VPS45: variants seen among roughly 807,000 people sequenced by gnomAD.
VPS45 encodes the protein vacuolar protein sorting-associated protein 45.
Under a neutral mutation model 75.9 loss-of-function variants are expected in VPS45, and 35 were observed. That is an observed-to-expected ratio of 0.46 (90% CI 0.35 to 0.61). The LOEUF is 0.61. Among genes scored for constraint, VPS45 ranks in the 20% least tolerant of loss-of-function variants. The pLI, the probability that VPS45 is intolerant of heterozygous loss-of-function variation, is 0.00. For synonymous variants in VPS45, 220 were observed against 238.2 expected, an observed-to-expected ratio of 0.92 and a Z score of 0.70; for missense variants, 559 against 685.9, an observed-to-expected ratio of 0.81 and a Z score of 2.07.
intron 14 of VPS45, among the ~76,000 whole-genome samples, chr1:150,142,656 C>CTTG (rs782731151): frequency 2.6e-5 from 4 of 152,116 alleles, no homozygotes; most frequent in African/African-American, 4.8e-5. Context: ...ATCCAAATAA[C>CTTG]TTGTTGTTGT....
intron 14 of VPS45, among the ~76,000 whole-genome samples, chr1:150,144,483 T>TA (rs797023947): frequency 0.97 from 145,856 of 149,650 alleles, 71,142 homozygotes; most frequent in East Asian, 1. Flanking sequence ...AATTTAATTC[T>TA]AAAAAAAAAA....
Position 150,077,692 on chromosome 1 carries a change from A to G in VPS45, c.600A>G (p.Glu200=). Residue 200 remains glutamate, a synonymous_variant, in exon 7 of 15, where the codon GAA becomes GAG. Coordinates refer to ENST00000644510, the MANE Select transcript of VPS45 (RefSeq NM_007259.5). ...AGCAAGTGATAACTAAAGAATATGA[A>G]CTGTTTGAATTCCGTCGGACAGAGG... is the stretch of plus-strand genomic sequence containing the variant. ...CVKQVITKEY[E]LFEFRRTEVP... 1 of 1,613,914 alleles carries G rather than the reference A, an allele frequency of 6.2e-7. No individual in the cohort carries two copies. The highest frequency in any genetic ancestry group is 1.3e-5 in the African/African-American group (1 of 75,038).
intron 14 of VPS45, among the ~76,000 whole-genome samples, chr1:150,130,198 C>CACTTTTTTTTT (rs1553811982): frequency 1.2e-5 from 1 of 86,338 alleles, no homozygotes; most frequent in African/African-American, 5.0e-5. Flanking sequence ...CACACACACA[C>CACTTTTTTTTT]TTTTTTTTTT....
At chr1:150,086,323 C>T (rs1451978491) in intron 10 of VPS45, among the ~76,000 whole-genome samples, 6 of 152,102 alleles carry the variant, frequency 3.9e-5, no homozygotes, top group African/African-American at 7.2e-5. Context: ...ACATGTAAAA[C>T]ACTTATGGTA....
At position 150,067,798 on chromosome 1, in the gene VPS45, G is replaced by A; in HGVS notation, c.-60G>A. ...GCTGAGACCCGGCCAACAGACTGGGGGTTAATTTAGCCAGAAAAGGGGGCG... is the reference window on the plus strand; with the variant it reads ...GCTGAGACCCGGCCAACAGACTGGGAGTTAATTTAGCCAGAAAAGGGGGCG... On this transcript the variant is annotated 5_prime_UTR_variant, in exon 1 of 15. Transcript: ENST00000644510. 2 of 1,554,944 alleles carry A rather than the reference G, an allele frequency of 1.3e-6. No individual in the cohort carries two copies. The highest frequency in any genetic ancestry group is 1.8e-6 in the Non-Finnish European group (2 of 1,128,942).
intron 13 of VPS45, among the ~76,000 whole-genome samples, chr1:150,104,748 G>A (rs1187671198): frequency 1.3e-5 from 2 of 151,982 alleles, no homozygotes; most frequent in South Asian, 4.2e-4. Flanking sequence ...AAGCCACCAC[G>A]CTGGGCTAAT....
At chr1:150,085,124 A>G (rs1372157206) in intron 10 of VPS45, among the ~76,000 whole-genome samples, 1 of 152,106 alleles carries the variant, frequency 6.6e-6, no homozygotes, top group Non-Finnish European at 1.5e-5. Flanking sequence ...ATAGTATTTT[A>G]TAGTTGTTTT....
chr1:150,130,754 A>G (rs1553812196), intron 14 of VPS45, among the ~76,000 whole-genome samples: 1 of 152,222 alleles, frequency 6.6e-6, no homozygotes, highest in African/African-American at 2.4e-5. Context: ...TATAAACAGT[A>G]CTGTAATAAA....
rs782098665 is a variant in VPS45 at position 150,110,546 on chromosome 1, C to T, written c.1544C>T (p.Ala515Val). Reference protein sequence around the residue: ...FVIGGATYEEALTVYNLNRTT... With the variant: ...FVIGGATYEEVLTVYNLNRTT... ...ATTGGAGGAGCCACCTATGAAGAGG[C>T]TCTAACAGTTTATAACCTGAACCGC... is the stretch of plus-strand genomic sequence containing the variant. The change falls in exon 14 of 15, where the codon GCT (alanine) becomes GTT (valine). Residue 515 changes from alanine to valine, a missense_variant. Coordinates refer to ENST00000644510, the MANE Select transcript of VPS45 (RefSeq NM_007259.5). The T allele has an allele frequency of 1.2e-6, 2 of 1,613,836 alleles. No individual in the cohort carries two copies. Among genetic ancestry groups the T allele is most frequent in the East Asian group, 2.2e-5 (1 of 44,872 alleles).
chr1:150,099,390 G>A (rs980236536), intron 13 of VPS45, among the ~76,000 whole-genome samples: 1 of 151,786 alleles, frequency 6.6e-6, no homozygotes, highest in Admixed American at 6.6e-5. Context: ...GCAGATGCCT[G>A]CAGTCCCAGC....
Position 150,081,476 on chromosome 1 carries a change from T to A in VPS45, c.822T>A (p.Asn274Lys). ...LSAENDEFYA[N>K]NMYLNFAEIG... ...CTGAAAATGATGAATTCTATGCTAA[T>A]GTAGGTGGTTTAAATTTTTTTAAAT... The change falls in exon 8 of 15, where the codon AAT becomes AAA. Residue 274 changes from asparagine (N) to lysine (K), a missense_variant and splice_region_variant. Coordinates refer to ENST00000644510, the MANE Select transcript of VPS45 (RefSeq NM_007259.5). 6.3e-7 allele frequency: 1 copy of A among 1,594,610 alleles called. No individual in the cohort carries two copies. The highest frequency in any genetic ancestry group is 8.5e-7 in the Non-Finnish European group (1 of 1,175,544).
chr1:150,137,181 G>T (rs1451459082), intron 14 of VPS45, among the ~76,000 whole-genome samples: 5 of 152,170 alleles, frequency 3.3e-5, no homozygotes, highest in Non-Finnish European at 7.4e-5. Flanking sequence ...GATTACAGGT[G>T]TGAGCCACCA....
chr1:150,143,587 CA>C (rs1553815864), intron 14 of VPS45, among the ~76,000 whole-genome samples: 17 of 143,970 alleles, frequency 1.2e-4, no homozygotes, highest in African/African-American at 1.3e-4. Context: ...GACTCCGTCT[CA>C]AAAAAAAAAA....
chr1:150,092,260 C>T, intron 11 of VPS45, 42 bp from the exon 12 acceptor site: 1 of 1,587,578 alleles, frequency 6.3e-7, no homozygotes, highest in Non-Finnish European at 8.6e-7. Flanking sequence ...AATGGGCTTC[C>T]TGATGCCTAA....
chr1:150,129,954 C>T (rs1224846595), intron 14 of VPS45, among the ~76,000 whole-genome samples: 1 of 151,576 alleles, frequency 6.6e-6, no homozygotes, highest in Non-Finnish European at 1.5e-5. Context: ...TGGGCTCAAG[C>T]AGTCCTCCCA....
intron 2 of VPS45, among the ~76,000 whole-genome samples, chr1:150,071,832 G>T (rs1271677045): frequency 6.7e-6 from 1 of 149,312 alleles, no homozygotes; most frequent in Non-Finnish European, 1.5e-5. Context: ...ACAATTTATA[G>T]ACAAGCAGCT....
intron 13 of VPS45, chr1:150,098,987 G>A: frequency 1.8e-6 from 2 of 1,124,970 alleles, no homozygotes; most frequent in Non-Finnish European, 2.2e-6. Context: ...GTAGAATCTT[G>A]TTGCTACAGC....
intron 14 of VPS45, among the ~76,000 whole-genome samples, chr1:150,113,650 C>CTTTGGGAGGCCAAGGTGGGTAGATCA (rs1553807644): frequency 4.0e-5 from 6 of 151,832 alleles, no homozygotes; most frequent in Non-Finnish European, 5.9e-5. Flanking sequence ...AATCCCAGCA[C>CTTTGGGAGGCCAAGGTGGGTAGATCA]TTTGGGAGGC....
At chr1:150,076,342 G>T in intron 4 of VPS45, 30 bp downstream of exon 4, 2 of 1,541,416 alleles carry the variant, frequency 1.3e-6, no homozygotes, top group South Asian at 2.4e-5. Flanking sequence ...AACACATCTC[G>T]TATGTTGGCC....
Sources: allele counts gnomAD v4.1 joint callset (sites outside exome capture counted in the v4.1 genomes callset), GRCh38; gene constraint gnomAD v4.1.1; transcripts MANE v1.5; gene names NCBI Gene and HGNC (gene_info 2026-07-23, HGNC 2026-07-21).